The following SPOCK3 variants were observed in gnomAD, a reference collection of about 807,000 sequenced individuals.
SPOCK3 encodes the protein SPARC (osteonectin), cwcv and kazal like domains proteoglycan 3, also known as testican-3.
SPOCK3 carries 30 observed loss-of-function variants against 56.6 expected under a neutral mutation model. That is an observed-to-expected ratio of 0.53 (90% confidence interval 0.40 to 0.72). The LOEUF (loss-of-function observed/expected upper bound fraction) is 0.72, where lower values mean the gene tolerates loss of function less well. SPOCK3 is among the 30% of genes least tolerant of loss of function. SPOCK3 has a pLI of 0.00. For synonymous variants in SPOCK3, 196 were observed against 183.3 expected, an observed-to-expected ratio of 1.07 and a Z score of -0.56; for missense variants, 527 against 530.0, an observed-to-expected ratio of 0.99 and a Z score of 0.06.
chr4:166,849,380 G>A (rs1400781627), intron 6 of SPOCK3, among the ~76,000 whole-genome samples: 2 of 151,956 alleles, frequency 1.3e-5, no homozygotes, highest in African/African-American at 4.8e-5. Flanking sequence ...GTCTTATTTG[G>A]TTGATGCAAA....
At chr4:167,009,082 T>A (rs1275472754) in intron 3 of SPOCK3, among the ~76,000 whole-genome samples, 1 of 152,180 alleles carries the variant, frequency 6.6e-6, no homozygotes, top group Non-Finnish European at 1.5e-5. Context: ...ATGCTTCATA[T>A]CATATTTACA....
At chr4:167,205,550 AATATATAAT>A (rs1734206535) in intron 2 of SPOCK3, among the ~76,000 whole-genome samples, 1 of 58,700 alleles carries the variant, frequency 1.7e-5, no homozygotes, top group African/African-American at 8.7e-5. Flanking sequence ...TATATTATAT[AATATATAAT>A]ATATATTATA....
At chr4:167,231,622 A>G (rs1450593478) in intron 2 of SPOCK3, among the ~76,000 whole-genome samples, 1 of 152,106 alleles carries the variant, frequency 6.6e-6, no homozygotes, top group Non-Finnish European at 1.5e-5. Context: ...CTGAAAAATA[A>G]CATCCTGAGA....
At chr4:166,952,922 C>CA (rs1742862360) in intron 4 of SPOCK3, among the ~76,000 whole-genome samples, 1 of 150,722 alleles carries the variant, frequency 6.6e-6, no homozygotes, top group Non-Finnish European at 1.5e-5. Flanking sequence ...ACACCTTATA[C>CA]AAAAATCAAT....
At chr4:166,743,974 G>A (rs1271424303) in intron 8 of SPOCK3, among the ~76,000 whole-genome samples, 4 of 152,190 alleles carry the variant, frequency 2.6e-5, no homozygotes, top group Admixed American at 2.6e-4. Context: ...TCTGGGTGGA[G>A]CCCACAGCAG....
chr4:167,015,507 T>A (rs537066981), intron 3 of SPOCK3, among the ~76,000 whole-genome samples: 4 of 152,314 alleles, frequency 2.6e-5, no homozygotes, highest in Admixed American at 2.6e-4. Context: ...AAGATTGATG[T>A]TGCTTAAATA....
chr4:166,871,468 A>G (rs1260097565), intron 6 of SPOCK3, among the ~76,000 whole-genome samples: 1 of 152,108 alleles, frequency 6.6e-6, no homozygotes, highest in Non-Finnish European at 1.5e-5. Flanking sequence ...AAAACAAACC[A>G]TGTCCTTGGC....
At position 166,927,768 on chromosome 4, in the gene SPOCK3, A is replaced by G. The variant is rs567969362; in HGVS notation, c.351-15025T>C. Among the ~76,000 whole-genome samples, 6 of 152,300 alleles carry G rather than the reference A, an allele frequency of 3.9e-5. No homozygotes were observed. In the East Asian group the frequency reaches 1.2e-3, roughly 29 times the overall value. Reference sequence around the variant, plus strand: ...TAAAAATTTTTGTTTTGTGAAAGACAGCGTCAAGAGAATGATGAGGAGACA... The same window carrying G: ...TAAAAATTTTTGTTTTGTGAAAGACGGCGTCAAGAGAATGATGAGGAGACA... On this transcript the variant is annotated intron_variant, in intron 4 of 10. Transcript: ENST00000357545.
At chr4:167,176,978 G>T (rs1168676868) in intron 2 of SPOCK3, among the ~76,000 whole-genome samples, 1 of 152,122 alleles carries the variant, frequency 6.6e-6, no homozygotes, top group Non-Finnish European at 1.5e-5. Flanking sequence ...CAAATCAGTT[G>T]ATGAAGATGA....
At chr4:166,750,547 G>GGAAGA (rs5863839) in intron 8 of SPOCK3, among the ~76,000 whole-genome samples, 2,286 of 151,376 alleles carry the variant, frequency 0.015, 66 homozygotes, top group African/African-American at 0.052. Context: ...AAACCAGTAG[G>GGAAGA]GAAGAATGAA....
intron 7 of SPOCK3, among the ~76,000 whole-genome samples, chr4:166,770,284 G>A (rs1487072153): frequency 6.6e-6 from 1 of 152,106 alleles, no homozygotes; most frequent in Non-Finnish European, 1.5e-5. Flanking sequence ...CGCTCACACT[G>A]GGAGCTACAG....
intron 4 of SPOCK3, among the ~76,000 whole-genome samples, chr4:166,982,477 G>A (rs369085762): frequency 1.8e-4 from 28 of 152,196 alleles, no homozygotes; most frequent in South Asian, 4.2e-4. Context: ...GCGTGAACTC[G>A]GGAGATGGAG....
intron 2 of SPOCK3, among the ~76,000 whole-genome samples, chr4:167,221,457 T>A (rs1460523962): frequency 6.6e-6 from 1 of 152,234 alleles, no homozygotes; most frequent in South Asian, 2.1e-4. Context: ...CTGTTAATTT[T>A]AAAAAAACAT....
At chr4:166,935,065 GGAGT>G (rs1345335674) in intron 4 of SPOCK3, among the ~76,000 whole-genome samples, 1 of 152,134 alleles carries the variant, frequency 6.6e-6, no homozygotes, top group Non-Finnish European at 1.5e-5. Flanking sequence ...AGATAAGCAA[GGAGT>G]ATAAATAGTA....
intron 2 of SPOCK3, among the ~76,000 whole-genome samples, chr4:167,116,585 TGTATATATATACATATATACTATATAC>T (rs1257494617): frequency 1.8e-4 from 20 of 113,586 alleles, no homozygotes; most frequent in East Asian, 7.3e-4. Context: ...TATATAGTTT[TGTATATATATACATATATACTATATAC>T]GTATATATAT....
At position 166,805,339 on chromosome 4, in the gene SPOCK3, A is replaced by G. The variant is rs919428560; in HGVS notation, c.590-13050T>C. On this transcript the variant is annotated intron_variant, in intron 6 of 10. Transcript: ENST00000357545. ...TCTGGCAAATTGTAAATATCCAGAAAATATGTTTTATAATACATATAAAAC... is the reference window on the plus strand; with the variant it reads ...TCTGGCAAATTGTAAATATCCAGAAGATATGTTTTATAATACATATAAAAC... 2.6e-5 allele frequency among the ~76,000 whole-genome samples: 4 copies of G among 152,198 alleles called. No homozygotes were observed. In the East Asian group the frequency reaches 5.8e-4, roughly 22 times the overall value.
At chr4:167,119,156 C>T (rs1051296403) in intron 2 of SPOCK3, among the ~76,000 whole-genome samples, 1 of 151,856 alleles carries the variant, frequency 6.6e-6, no homozygotes, top group African/African-American at 2.4e-5. Flanking sequence ...GGGGGGAACA[C>T]CATTTCCTTT....
intron 7 of SPOCK3, among the ~76,000 whole-genome samples, chr4:166,768,497 G>A (rs1267599987): frequency 2.6e-5 from 4 of 152,140 alleles, no homozygotes; most frequent in Non-Finnish European, 5.9e-5. Context: ...TTTCCTTTAA[G>A]AATGTTGAAT....
chr4:167,130,890 T>C (rs1580386312), intron 2 of SPOCK3, among the ~76,000 whole-genome samples: 1 of 152,298 alleles, frequency 6.6e-6, no homozygotes, highest in East Asian at 1.9e-4. Flanking sequence ...ACTTAAAAGA[T>C]GTCTTAATTC....
Sources: allele counts gnomAD v4.1 joint callset (sites outside exome capture counted in the v4.1 genomes callset), GRCh38; gene constraint gnomAD v4.1.1; transcripts MANE v1.5; gene names NCBI Gene and HGNC (gene_info 2026-07-23, HGNC 2026-07-21).